EIPR1: variants seen among roughly 807,000 people sequenced by gnomAD.
EIPR1 encodes EARP complex and GARP complex interacting protein 1.
EIPR1 carries 25 observed loss-of-function variants against 48.1 expected under a neutral mutation model. That is an observed-to-expected ratio of 0.52 (90% CI 0.38 to 0.73). The LOEUF (loss-of-function observed/expected upper bound fraction) is 0.73. EIPR1 is among the 30% of genes least tolerant of loss of function. EIPR1 has a pLI of 0.00. For missense variants in EIPR1, 415 were observed against 506.2 expected (o/e 0.82, Z 1.73); for synonymous variants, 204 against 201.9 (o/e 1.01, Z -0.09).
intron 3 of EIPR1, among the ~76,000 whole-genome samples, chr2:3,291,042 C>G (rs1305408093): frequency 6.6e-6 from 1 of 152,160 alleles, no homozygotes; most frequent in Non-Finnish European, 1.5e-5. Flanking sequence ...GGCTTCTGCC[C>G]AAGTCCCTAA....
At chr2:3,198,229 T>G (rs555978931) in intron 5 of EIPR1, among the ~76,000 whole-genome samples, 183 of 152,312 alleles carry the variant, frequency 1.2e-3, no homozygotes, top group African/African-American at 4.1e-3. Context: ...ATGCTCCTGG[T>G]GTCTCCCAGC....
At chr2:3,307,942 T>C (rs1284023909) in intron 3 of EIPR1, among the ~76,000 whole-genome samples, 1 of 152,174 alleles carries the variant, frequency 6.6e-6, no homozygotes, top group Non-Finnish European at 1.5e-5. Context: ...AAATATCACA[T>C]GTACCTCCAA....
intron 5 of EIPR1, among the ~76,000 whole-genome samples, chr2:3,201,144 C>T (rs191495141): frequency 1.1e-4 from 17 of 152,334 alleles, no homozygotes; most frequent in African/African-American, 4.1e-4. Flanking sequence ...TGCTCCGTTT[C>T]TCTTTCTCTC....
chr2:3,354,843 A>C (rs1670682651), intron 1 of EIPR1, among the ~76,000 whole-genome samples: 1 of 152,252 alleles, frequency 6.6e-6, no homozygotes, highest in African/African-American at 2.4e-5. Context: ...TTGCATATGG[A>C]AATCATTGTA....
intron 3 of EIPR1, among the ~76,000 whole-genome samples, chr2:3,265,912 C>T (rs1359998413): frequency 6.6e-6 from 1 of 152,234 alleles, no homozygotes; most frequent in Admixed American, 6.5e-5. Context: ...CCCATAACAG[C>T]CCCCTGCTTT....
chr2:3,290,856 C>G (rs113425948), intron 3 of EIPR1, among the ~76,000 whole-genome samples: 103 of 152,286 alleles, frequency 6.8e-4, no homozygotes, highest in African/African-American at 2.1e-3. Context: ...CACACACAGA[C>G]AGCGCTTCCA....
intron 4 of EIPR1, among the ~76,000 whole-genome samples, chr2:3,237,919 A>G (rs1480530651): frequency 6.6e-6 from 1 of 152,224 alleles, no homozygotes; most frequent in Non-Finnish European, 1.5e-5. Context: ...CCTCAGGCTG[A>G]ACGTGGTGCT....
intron 6 of EIPR1, chr2:3,194,384 C>T (rs1385667289): frequency 1.5e-5 from 7 of 462,300 alleles, no homozygotes; most frequent in Admixed American, 3.5e-5. Context: ...TCTCCAGAAG[C>T]GTATCTGTGA....
At chr2:3,361,710 T>C (rs1293815051) in intron 1 of EIPR1, among the ~76,000 whole-genome samples, 2 of 145,372 alleles carry the variant, frequency 1.4e-5, no homozygotes, top group Non-Finnish European at 3.1e-5. Context: ...GCCCTTGGAC[T>C]CCCTCACACG....
At chr2:3,214,369 G>C (rs974697126) in intron 4 of EIPR1, 121 bp from the exon 5 acceptor site, 5 of 878,642 alleles carry the variant, frequency 5.7e-6, no homozygotes, top group Non-Finnish European at 5.3e-6. Flanking sequence ...GTAGTCACTA[G>C]AGTATTTTTT....
intron 3 of EIPR1, 122 bp downstream of exon 3, chr2:3,337,895 C>T (rs1670114860): frequency 5.6e-6 from 6 of 1,073,976 alleles, no homozygotes; most frequent in African/African-American, 1.6e-5. Context: ...GTGCATGCAA[C>T]ACCTTCATTA....
At chr2:3,301,505 G>A (rs566787861) in intron 3 of EIPR1, 45 of 152,328 alleles carry the variant, frequency 3.0e-4, no homozygotes, top group Non-Finnish European at 5.3e-4. Flanking sequence ...CCCAGGCCAG[G>A]TCACTAAGTC....
chr2:3,261,332 A>T (rs896574513), intron 3 of EIPR1, among the ~76,000 whole-genome samples: 2 of 152,216 alleles, frequency 1.3e-5, no homozygotes, highest in African/African-American at 4.8e-5. Context: ...TATTAAAAAG[A>T]AAACAAGAAT....
At chr2:3,287,611 A>G (rs1572399119) in intron 3 of EIPR1, among the ~76,000 whole-genome samples, 3 of 135,376 alleles carry the variant, frequency 2.2e-5, no homozygotes, top group Admixed American at 7.5e-5. Flanking sequence ...CAGAAAGTTC[A>G]TTCAGGCTCC....
intron 3 of EIPR1, among the ~76,000 whole-genome samples, chr2:3,272,120 T>TCA (rs1667718052): frequency 2.0e-5 from 3 of 152,218 alleles, no homozygotes; most frequent in African/African-American, 7.2e-5. Context: ...TTCTCACTCC[T>TCA]CTCAGCCTTC....
intron 6 of EIPR1, among the ~76,000 whole-genome samples, chr2:3,196,478 G>T (rs1664810295): frequency 6.6e-6 from 1 of 152,068 alleles, no homozygotes; most frequent in Admixed American, 6.5e-5. Context: ...TCTCCAGAAG[G>T]CACAGCTATG....
Position 3,371,551 on chromosome 2 carries a change from T to C in EIPR1, c.42+6097A>G, listed in dbSNP as rs1344053542. 2.6e-5 allele frequency among the ~76,000 whole-genome samples: 4 copies of C among 151,440 alleles called. No homozygotes were observed. The South Asian group carries it at 6.2e-4, about 24-fold the overall frequency. On this transcript the variant is annotated intron_variant, in intron 1 of 8. Coordinates refer to ENST00000382125, the MANE Select transcript of EIPR1 (RefSeq NM_003310.5). ...GATGGAGGAAGATCTACCAAGCAAA[T>C]GGAAAACAAAAAAAGGCAGGGGTTG...
At chr2:3,301,939 G>C (rs934287016) in intron 3 of EIPR1, among the ~76,000 whole-genome samples, 2 of 152,200 alleles carry the variant, frequency 1.3e-5, no homozygotes, top group African/African-American at 4.8e-5. Context: ...GCCAGAAGGC[G>C]GAGCAGCGCA....
chr2:3,251,244 T>C (rs1309180836), intron 4 of EIPR1, among the ~76,000 whole-genome samples: 1 of 152,250 alleles, frequency 6.6e-6, no homozygotes, highest in Non-Finnish European at 1.5e-5. Context: ...TGTAAGTTCC[T>C]ACTCCTGAGG....
Sources: allele counts gnomAD v4.1 joint callset (sites outside exome capture counted in the v4.1 genomes callset), GRCh38; gene constraint gnomAD v4.1.1; transcripts MANE v1.5; gene names NCBI Gene and HGNC (gene_info 2026-07-23, HGNC 2026-07-21).